LRP4: variants seen among roughly 807,000 people sequenced by gnomAD.
LRP4 encodes LDL receptor related protein 4, also known as low-density lipoprotein receptor-related protein 4.
LRP4 carries 95 observed loss-of-function variants against 220.3 expected under a neutral mutation model. The ratio of observed to expected loss-of-function variants is 0.43; its 90% CI spans 0.37 to 0.51. The LOEUF is 0.51. Ranked by LOEUF, LRP4 falls within the 20% of genes least tolerant of loss-of-function variation. LRP4 has a pLI of 0.00. For missense variants in LRP4, 1,925 were observed against 2,567.0 expected (o/e 0.75, Z 5.40); for synonymous variants, 903 against 954.6 (o/e 0.95, Z 1.00).
chr11:46,864,257 G>A (rs1486308351), intron 36 of LRP4, among the ~76,000 whole-genome samples, 191 bp downstream of exon 36: 1 of 152,204 alleles, frequency 6.6e-6, no homozygotes, highest in Non-Finnish European at 1.5e-5. Flanking sequence ...TAAGGAAAAT[G>A]CTTAGGCTGT....
At chr11:46,889,648 T>C in intron 15 of LRP4, 115 bp from the exon 16 acceptor site, 1 of 1,433,964 alleles carries the variant, frequency 7.0e-7, no homozygotes, top group East Asian at 2.3e-5. Context: ...AACTATGTCT[T>C]ATATTTTTGA....
At chr11:46,905,055 T>C (rs943513637) in intron 1 of LRP4, among the ~76,000 whole-genome samples, 14 of 150,746 alleles carry the variant, frequency 9.3e-5, no homozygotes, top group African/African-American at 3.2e-4. Flanking sequence ...AGGTGCAGTG[T>C]CTCTAGACCT....
chr11:46,911,760 G>A (rs191945075), intron 1 of LRP4, among the ~76,000 whole-genome samples: 1,645 of 151,790 alleles, frequency 0.011, 18 homozygotes, highest in Middle Eastern at 0.031. Flanking sequence ...GGGATAGCCT[G>A]GAATCCTGGC....
rs572762302 is a variant in LRP4, at chr11:46,886,639, G to A, written c.2216-106C>T. The A allele has an allele frequency of 1.2e-5, 11 of 946,780 alleles. No homozygotes were observed. In the African/African-American group the frequency reaches 1.4e-4, roughly 12 times the overall value. The allele number at this position is 946,780 out of a possible 1,614,324, so 58.6% of individuals were successfully genotyped here. A position where few individuals can be genotyped will look rare whatever the true frequency, so the allele number is the denominator to read the frequency against. On this transcript the variant is annotated intron_variant, in intron 16 of 37. Transcript: ENST00000378623. ...CATCTGGTTCAATCACACTTCCTGG[G>A]ATCTGGTGCCCTTTGCCCCCTATAC...
rs1941617715 is a variant in LRP4, at chr11:46,899,432, C to T, written c.502G>A (p.Asp168Asn). 3.1e-6 allele frequency: 5 copies of T among 1,614,074 alleles called. No individual in the cohort carries two copies. Among genetic ancestry groups the T allele is most frequent in the Non-Finnish European group, 8.5e-7 (1 of 1,180,036 alleles). Reference sequence around the variant, plus strand: ...CCATCTTTGCAGTCGGTGTCACCGTCGCAGTACCAATGCTCAGCAATGCAG... The same window carrying T: ...CCATCTTTGCAGTCGGTGTCACCGTTGCAGTACCAATGCTCAGCAATGCAG... Reference protein sequence around the residue: ...GSCIAEHWYCDGDTDCKDGSD... With the variant: ...GSCIAEHWYCNGDTDCKDGSD... Residue 168 changes from aspartate (D) to asparagine (N), a missense_variant, in exon 5 of 38, where the codon GAC becomes AAC. Physicochemically the swap from Asp to Asn is conservative, Grantham distance 23. This residue lies in a region of LRP4 where 412 missense variants were observed against 505.4 expected (regional missense o/e 0.82). Transcript: ENST00000378623. This position sits in a 1 kb window ranked among gnomAD's most constrained non-coding sequence, Gnocchi z 5.9.
At position 46,873,749 on chromosome 11, in the gene LRP4, T is replaced by C. The variant is rs1244273763; in HGVS notation, c.4230-156A>G. 1.3e-5 allele frequency: 8 copies of C among 608,824 alleles called. No homozygotes were observed. In the Admixed American group the frequency reaches 2.1e-4, roughly 16 times the overall value. The allele number at this position is 608,824 out of a possible 1,614,324, so 37.7% of individuals were successfully genotyped here. On this transcript the variant is annotated intron_variant, in intron 28 of 37. Coordinates refer to ENST00000378623, the MANE Select transcript of LRP4 (RefSeq NM_002334.4). This position sits in a 1 kb window ranked among gnomAD's most constrained non-coding sequence, Gnocchi z 4.2. ...GTACATTCCTCAGCACCCAGCATGATAGATGTTCAATAAAATAATTGCAGA... is the reference window on the plus strand; with the variant it reads ...GTACATTCCTCAGCACCCAGCATGACAGATGTTCAATAAAATAATTGCAGA...
In LRP4 at chr11:46,899,454, G is replaced by A; in HGVS notation, c.480C>T (p.Cys160=). 3.1e-6 allele frequency: 5 copies of A among 1,614,120 alleles called. No homozygotes were observed. The highest frequency in any genetic ancestry group is 4.2e-6 in the Non-Finnish European group (5 of 1,180,014). The change falls in exon 5 of 38, where the codon TGC becomes TGT. Residue 160 remains cysteine, a synonymous_variant. Coordinates refer to ENST00000378623, the MANE Select transcript of LRP4 (RefSeq NM_002334.4). The surrounding 1 kb of genome is among the most constrained non-coding windows in gnomAD (Gnocchi z 5.9). ...DKEFRCSDGS[C]IAEHWYCDGD... ...CGTCGCAGTACCAATGCTCAGCAAT[G>A]CAGCTTCCGTCACTACAGCGGAACT...
chr11:46,895,353 G>A (rs751407336), intron 10 of LRP4, 62 bp from the exon 11 acceptor site: 14 of 1,598,248 alleles, frequency 8.8e-6, no homozygotes, highest in African/African-American at 1.3e-5. Flanking sequence ...CCGCTCCCAG[G>A]CTGCCGAGCT....
chr11:46,911,784 A>G (rs772626691), intron 1 of LRP4, among the ~76,000 whole-genome samples: 1 of 148,152 alleles, frequency 6.7e-6, no homozygotes, highest in Non-Finnish European at 1.5e-5. Flanking sequence ...GTTACTCACT[A>G]TTTGTATGAC....
intron 16 of LRP4, among the ~76,000 whole-genome samples, chr11:46,886,871 G>C (rs1941305497): frequency 6.6e-6 from 1 of 152,102 alleles, no homozygotes. Flanking sequence ...CTACTTCCCT[G>C]ATGTTCATGA....
At chr11:46,865,652 A>C (rs1209539211) in intron 34 of LRP4, among the ~76,000 whole-genome samples, 1 of 152,242 alleles carries the variant, frequency 6.6e-6, no homozygotes. Context: ...GGGAGTGCTC[A>C]GATAACTAAC....
intron 31 of LRP4, among the ~76,000 whole-genome samples, chr11:46,870,111 A>G (rs1384737715): frequency 6.8e-6 from 1 of 147,676 alleles, no homozygotes; most frequent in Non-Finnish European, 1.5e-5. Context: ...ATCTCAAAAA[A>G]AAAAAAAATT....
intron 1 of LRP4, among the ~76,000 whole-genome samples, chr11:46,908,400 A>G (rs1941796421): frequency 6.6e-6 from 1 of 152,182 alleles, no homozygotes; most frequent in Admixed American, 6.5e-5. Flanking sequence ...AAAAATTGCA[A>G]TTACTTTTGC....
At chr11:46,896,821 C>G in intron 8 of LRP4, 48 bp downstream of exon 8, 1 of 1,613,444 alleles carries the variant, frequency 6.2e-7, no homozygotes, top group African/African-American at 1.3e-5. Context: ...TCCACCCTTC[C>G]ACCCCAACTA....
At chr11:46,859,961 G>A (rs1028821213) in intron 37 of LRP4, among the ~76,000 whole-genome samples, 3 of 152,094 alleles carry the variant, frequency 2.0e-5, no homozygotes, top group South Asian at 2.1e-4. Context: ...CTGGCCGGGC[G>A]TGGTGGCTTA....
chr11:46,867,457 A>ATTTTG (rs915640089), intron 34 of LRP4, among the ~76,000 whole-genome samples: 3 of 151,678 alleles, frequency 2.0e-5, no homozygotes, highest in Non-Finnish European at 4.4e-5. Flanking sequence ...TTGTTGTTTT[A>ATTTTG]TTTTGTTTTG....
chr11:46,895,046 G>A (rs1037215059), intron 11 of LRP4, 120 bp downstream of exon 11: 3 of 1,411,482 alleles, frequency 2.1e-6, no homozygotes, highest in Non-Finnish European at 3.0e-6. Context: ...TGCAACTGTT[G>A]CTGCATTTTA....
intron 37 of LRP4, among the ~76,000 whole-genome samples, chr11:46,860,389 A>C (rs1026302253): frequency 2.0e-5 from 3 of 152,144 alleles, no homozygotes; most frequent in Non-Finnish European, 2.9e-5. Context: ...ACCATTCCCA[A>C]GCAAAACCTG....
At chr11:46,896,760 T>C (rs1643603144) in intron 8 of LRP4, 109 bp downstream of exon 8, 10 of 1,548,818 alleles carry the variant, frequency 6.5e-6, no homozygotes, top group Non-Finnish European at 8.0e-6. Context: ...ACCTGGATTT[T>C]ACACTGGTAA....
Sources: gnomAD v4.1 joint callset for allele counts (sites outside exome capture counted in the v4.1 genomes callset) on GRCh38, gnomAD v4.1.1 for gene constraint, gnomAD v4.1.1 regional missense constraint, Gnocchi (gnomAD v3.1) non-coding constraint, MANE v1.5 for transcripts, NCBI Gene and HGNC (gene_info 2026-07-23, HGNC 2026-07-21) for gene names.